Variants in ALMS1 observed in about 807,000 individuals in gnomAD.
The protein encoded by ALMS1 is centrosome-associated protein ALMS1.
A neutral mutation model predicts 352.2 loss-of-function variants in ALMS1; 271 were observed. That is an observed-to-expected ratio of 0.77 (90% confidence interval 0.70 to 0.85). The LOEUF (loss-of-function observed/expected upper bound fraction) is 0.85. Ranked by LOEUF, ALMS1 falls within the 40% of genes least tolerant of loss-of-function variation. The pLI is 0.00. For missense variants in ALMS1, 5,445 were observed against 4,870.7 expected (o/e 1.12, Z -3.51); for synonymous variants, 1,865 against 1,761.2 (o/e 1.06, Z -1.48).
At chr2:73,589,603 G>C (rs966107637) in intron 16 of ALMS1, among the ~76,000 whole-genome samples, 1 of 152,096 alleles carries the variant, frequency 6.6e-6, no homozygotes, top group Non-Finnish European at 1.5e-5. Flanking sequence ...ATATATAAAA[G>C]GTGTACCATT....
intron 21 of ALMS1, among the ~76,000 whole-genome samples, chr2:73,606,350 C>A (rs1012766313): frequency 1.6e-4 from 24 of 152,160 alleles, no homozygotes; most frequent in African/African-American, 5.8e-4. Context: ...TGAACCACTG[C>A]TTCATTCTAA....
At chr2:73,410,397 C>CA (rs1450945031) in intron 2 of ALMS1, among the ~76,000 whole-genome samples, 3 of 151,734 alleles carry the variant, frequency 2.0e-5, no homozygotes, top group Non-Finnish European at 2.9e-5. Flanking sequence ...CAAAAAAAAG[C>CA]AAAAAAACCC....
At chr2:73,602,034 G>A (rs1675703581) in intron 19 of ALMS1, 151 bp from the exon 20 acceptor site, 1 of 814,852 alleles carries the variant, frequency 1.2e-6, no homozygotes, top group East Asian at 2.7e-5. Flanking sequence ...ATAGAGAGAT[G>A]TCAGAGGATT....
chr2:73,522,978 G>A (rs141805555), intron 11 of ALMS1, among the ~76,000 whole-genome samples: 1 of 152,286 alleles, frequency 6.6e-6, no homozygotes, highest in East Asian at 1.9e-4. Context: ...ATGTTAAGTA[G>A]CTAGGTGGCT....
intron 13 of ALMS1, among the ~76,000 whole-genome samples, chr2:73,551,540 G>A (rs1350739687): frequency 2.0e-5 from 3 of 147,384 alleles, no homozygotes; most frequent in Non-Finnish European, 4.5e-5. Context: ...GGGTTCAAGC[G>A]ATTCTCCTGC....
rs369045504 is a variant in ALMS1 at position 73,588,275 on chromosome 2, C to G, written c.11548-11126C>G. On this transcript the variant is annotated intron_variant, in intron 16 of 22. Coordinates refer to ENST00000613296, the MANE Select transcript of ALMS1 (RefSeq NM_001378454.1). ...CCCCGTGCTGTCTCCCCTGCAGTCT[C>G]TGCAGTCCAGGCCCTCTTCTCTCTC... Among the ~76,000 whole-genome samples, 32 of 152,288 alleles carry G rather than the reference C, an allele frequency of 2.1e-4. No individual in the cohort carries two copies. In the East Asian group the frequency reaches 5.8e-3, roughly 28 times the overall value.
chr2:73,587,184 T>C (rs1675331608), intron 16 of ALMS1, among the ~76,000 whole-genome samples: 1 of 152,202 alleles, frequency 6.6e-6, no homozygotes, highest in Non-Finnish European at 1.5e-5. Context: ...TGAATGAGTC[T>C]TTAGGATTTT....
chr2:73,550,232 T>A, intron 12 of ALMS1, 35 bp from the exon 13 acceptor site: 1 of 1,611,524 alleles, frequency 6.2e-7, no homozygotes, highest in Non-Finnish European at 8.5e-7. Flanking sequence ...CATGTCGCTA[T>A]TTGTGTTTTG....
chr2:73,465,108 G>GGTAATTTATAGATTCAATGCC (rs1558656569), intron 9 of ALMS1, among the ~76,000 whole-genome samples: 1 of 152,112 alleles, frequency 6.6e-6, no homozygotes, highest in African/African-American at 2.4e-5. Context: ...AGCTACCGGT[G>GGTAATTTATAGATTCAATGCC]ACTTTCTTCA....
intron 1 of ALMS1, among the ~76,000 whole-genome samples, chr2:73,398,905 G>A (rs896345475): frequency 1.2e-4 from 19 of 152,088 alleles, no homozygotes; most frequent in African/African-American, 4.3e-4. Context: ...GTGCAGTGGT[G>A]TGATCTCAGC....
intron 3 of ALMS1, among the ~76,000 whole-genome samples, chr2:73,421,658 C>T (rs1418942654): frequency 6.6e-6 from 1 of 152,088 alleles, no homozygotes; most frequent in African/African-American, 2.4e-5. Flanking sequence ...AAAGTAGACA[C>T]AGTTGACAAT....
intron 15 of ALMS1, among the ~76,000 whole-genome samples, chr2:73,562,141 T>TTGTATGTATGTATGTA (rs3076386): frequency 1.4e-4 from 21 of 151,328 alleles, no homozygotes; most frequent in Non-Finnish European, 2.7e-4. Flanking sequence ...GAACTTACAA[T>TTGTATGTATGTATGTA]TGTATGTATG....
At chr2:73,440,422 C>T (rs753649204) in intron 7 of ALMS1, among the ~76,000 whole-genome samples, 24 of 152,012 alleles carry the variant, frequency 1.6e-4, no homozygotes, top group Non-Finnish European at 2.9e-5. Flanking sequence ...ATCATTTGAT[C>T]GTCTTCTCCC....
chr2:73,483,975 G>A (rs1375045323), intron 9 of ALMS1, among the ~76,000 whole-genome samples: 15 of 150,952 alleles, frequency 9.9e-5, no homozygotes, highest in East Asian at 3.9e-4. Context: ...GTCTCTGCAT[G>A]TGAGATGGGT....
intron 3 of ALMS1, among the ~76,000 whole-genome samples, chr2:73,420,491 A>G (rs1422732154): frequency 6.6e-6 from 1 of 152,198 alleles, no homozygotes; most frequent in Non-Finnish European, 1.5e-5. Flanking sequence ...AAGGTTTGCT[A>G]ACTCCTAGAG....
chr2:73,603,162 A>G, intron 20 of ALMS1, 79 bp from the exon 21 acceptor site: 1 of 1,382,026 alleles, frequency 7.2e-7, no homozygotes, highest in Non-Finnish European at 1.0e-6. Context: ...AAGTCCTAGC[A>G]GCTCCCTCTC....
chr2:73,496,760 T>G (rs895132538), intron 10 of ALMS1, among the ~76,000 whole-genome samples: 1 of 152,198 alleles, frequency 6.6e-6, no homozygotes, highest in Admixed American at 6.5e-5. Flanking sequence ...GTCAATATAT[T>G]TTAGCCATTT....
chr2:73,460,556 G>A (rs184714551), intron 9 of ALMS1, among the ~76,000 whole-genome samples: 25 of 152,254 alleles, frequency 1.6e-4, no homozygotes, highest in African/African-American at 5.3e-4. Context: ...CTGAGGTACC[G>A]GGTTCATCTC....
At chr2:73,463,184 C>G (rs948106426) in intron 9 of ALMS1, among the ~76,000 whole-genome samples, 102 of 152,266 alleles carry the variant, frequency 6.7e-4, no homozygotes, top group African/African-American at 2.3e-3. Flanking sequence ...GCACCTATTC[C>G]AAAACTGACC....
Sources: allele counts gnomAD v4.1 joint callset (sites outside exome capture counted in the v4.1 genomes callset), GRCh38; gene constraint gnomAD v4.1.1; transcripts MANE v1.5; gene names NCBI Gene and HGNC (gene_info 2026-07-23, HGNC 2026-07-21).